Variants in ZNF714 observed in about 807,000 individuals in gnomAD.
ZNF714 encodes the protein zinc finger protein 714.
ZNF714 carries 32 observed loss-of-function variants against 46.2 expected under a neutral mutation model. The ratio of observed to expected loss-of-function variants is 0.69; its 90% CI spans 0.52 to 0.93. The LOEUF (loss-of-function observed/expected upper bound fraction) is 0.93, where lower values mean the gene tolerates loss of function less well. Ranked by LOEUF, ZNF714 falls within the 40% of genes least tolerant of loss-of-function variation. The probability of loss-of-function intolerance (pLI) is 0.00; values close to 1 mark genes in which losing one functional copy is unlikely to be tolerated. For synonymous variants in ZNF714, 199 were observed against 213.1 expected, an observed-to-expected ratio of 0.93 and a Z score of 0.58; for missense variants, 635 against 646.3, an observed-to-expected ratio of 0.98 and a Z score of 0.19.
chr19:21,112,815 G>GTTTTTTTTTTTT (rs1314785181), intron 4 of ZNF714, among the ~76,000 whole-genome samples: 5 of 41,738 alleles, frequency 1.2e-4, no homozygotes, highest in Admixed American at 3.2e-4. Flanking sequence ...TTTTATTTCT[G>GTTTTTTTTTTTT]ATTTTTTTTT....
intron 4 of ZNF714, among the ~76,000 whole-genome samples, chr19:21,103,905 G>A (rs1969249346): frequency 6.6e-6 from 1 of 152,046 alleles, no homozygotes; most frequent in Non-Finnish European, 1.5e-5. Context: ...AAAAGAAGCT[G>A]TACATTTCAG....
intron 2 of ZNF714, among the ~76,000 whole-genome samples, chr19:21,093,426 T>C (rs939040031): frequency 1.3e-5 from 2 of 151,192 alleles, no homozygotes; most frequent in African/African-American, 4.9e-5. Flanking sequence ...GAGATGGGGT[T>C]TCACCATGTT....
In ZNF714 at chr19:21,123,513, C is replaced by G. The variant is rs938694173; in HGVS notation, c.*5181C>G. On this transcript the variant is annotated 3_prime_UTR_variant, in exon 5 of 5. Coordinates refer to ENST00000456283, the MANE Select transcript of ZNF714 (RefSeq NM_182515.4). ...GGGACTACAGGCGCCCGCTACCGCACCCGTCTAATTTTTTTGTATTTTTAG... is the reference window on the plus strand; with the variant it reads ...GGGACTACAGGCGCCCGCTACCGCAGCCGTCTAATTTTTTTGTATTTTTAG... Among the ~76,000 whole-genome samples, 1 of 152,100 alleles carries G rather than the reference C, an allele frequency of 6.6e-6. No individual in the cohort carries two copies. The highest frequency in any genetic ancestry group is 6.5e-5 in the Admixed American group (1 of 15,284).
chr19:21,108,497 G>C (rs1969373794), intron 4 of ZNF714, among the ~76,000 whole-genome samples: 1 of 152,170 alleles, frequency 6.6e-6, no homozygotes, highest in Non-Finnish European at 1.5e-5. Flanking sequence ...TCCTGGTCAT[G>C]AGAAAGTTTT....
Position 21,095,908 on chromosome 19 carries a change from AT to A in ZNF714, c.-84-2276del, listed in dbSNP as rs1969026676. 5.9e-5 allele frequency among the ~76,000 whole-genome samples: 9 copies of A among 152,278 alleles called. No individual in the cohort carries two copies. The South Asian group carries it at 1.9e-3, about 32-fold the overall frequency. On this transcript the variant is annotated intron_variant, in intron 2 of 4. Transcript: ENST00000456283. ...TGTTGCAGTTGCTTTTGGTATCTTC[AT>A]CATGATACATGTAGATACGTGTGGT...
chr19:21,082,529 G>A (rs1198349394), intron 1 of ZNF714, among the ~76,000 whole-genome samples, 181 bp downstream of exon 1: 3 of 145,836 alleles, frequency 2.1e-5, no homozygotes, highest in Admixed American at 2.0e-4. Context: ...CGCTGACTGC[G>A]GGATCCCGGG....
chr19:21,104,895 C>T lies in ZNF714; in HGVS notation c.142+5985C>T, dbSNP rs183936390. On this transcript the variant is annotated intron_variant, in intron 4 of 4. Coordinates refer to ENST00000456283, the MANE Select transcript of ZNF714 (RefSeq NM_182515.4). ...CCTCCCAAAGTGCTGGGATTACAGT[C>T]GTGAGGTGAGCGCCCGGCCTCATTT... Among the ~76,000 whole-genome samples, 340 of 152,060 alleles carry T rather than the reference C, an allele frequency of 2.2e-3. 2 individuals are homozygous for T. The highest frequency in any genetic ancestry group is 3.4e-3 in the Middle Eastern group (1 of 294).
chr19:21,098,116 T>C (rs1428604787), intron 2 of ZNF714, 69 bp from the exon 3 acceptor site: 1 of 1,534,466 alleles, frequency 6.5e-7, no homozygotes, highest in East Asian at 2.3e-5. Flanking sequence ...TTCACCTTAA[T>C]TCAAATAATA....
At chr19:21,096,025 G>C (rs1969030613) in intron 2 of ZNF714, among the ~76,000 whole-genome samples, 1 of 152,156 alleles carries the variant, frequency 6.6e-6, no homozygotes, top group Admixed American at 6.5e-5. Context: ...AGAGTTAAGT[G>C]CCACATTTGC....
intron 4 of ZNF714, among the ~76,000 whole-genome samples, chr19:21,114,847 G>A (rs1251459567): frequency 1.3e-5 from 2 of 152,060 alleles, no homozygotes; most frequent in African/African-American, 2.4e-5. Context: ...AGGCCTGGTG[G>A]TCATGTATTC....
rs1402923232 is a variant in ZNF714, at chr19:21,124,342, ATT to A, written c.*6013_*6014del. ...GTGTACTTTTTCTGTAGAACATAAT[ATT>A]TTGAACATGCTGTTAAATATCAGAG... is the stretch of plus-strand genomic sequence containing the variant. On this transcript the variant is annotated 3_prime_UTR_variant, in exon 5 of 5. Coordinates refer to ENST00000456283, the MANE Select transcript of ZNF714 (RefSeq NM_182515.4). Among the ~76,000 whole-genome samples, 1 of 152,192 alleles carries A rather than the reference ATT, an allele frequency of 6.6e-6. No individual in the cohort carries two copies. The highest frequency in any genetic ancestry group is 1.5e-5 in the Non-Finnish European group (1 of 68,022).
intron 2 of ZNF714, among the ~76,000 whole-genome samples, chr19:21,096,742 C>T (rs1969050417): frequency 6.6e-6 from 1 of 152,114 alleles, no homozygotes; most frequent in Admixed American, 6.6e-5. Context: ...TGGGGGAAAG[C>T]TGGGGTCCTT....
intron 3 of ZNF714, 53 bp from the exon 4 acceptor site, chr19:21,098,759 G>C (rs1969099912): frequency 7.9e-7 from 1 of 1,270,842 alleles, no homozygotes. Context: ...CACAGTACTA[G>C]GTTGGTAACT....
intron 1 of ZNF714, 138 bp downstream of exon 1, chr19:21,082,486 C>T: frequency 1.2e-6 from 1 of 843,188 alleles, no homozygotes; most frequent in South Asian, 1.5e-5. Flanking sequence ...CTCAGCTCGG[C>T]CTCAGTCCCC....
At chr19:21,084,454 C>G (rs1477120142) in intron 2 of ZNF714, among the ~76,000 whole-genome samples, 1 of 152,014 alleles carries the variant, frequency 6.6e-6, no homozygotes, top group African/African-American at 2.4e-5. Flanking sequence ...GCCTCTGGAG[C>G]AGCCACCGAG....
intron 2 of ZNF714, among the ~76,000 whole-genome samples, chr19:21,090,280 C>T (rs866115561): frequency 1.3e-5 from 2 of 152,214 alleles, no homozygotes; most frequent in African/African-American, 4.8e-5. Context: ...CAGAGAAAGA[C>T]CTACCCATTG....
chr19:21,086,543 A>C (rs1968783679), intron 2 of ZNF714, among the ~76,000 whole-genome samples: 1 of 152,086 alleles, frequency 6.6e-6, no homozygotes, highest in Non-Finnish European at 1.5e-5. Flanking sequence ...CACTGGTAAG[A>C]GTGTAGCAGT....
In ZNF714 at chr19:21,085,881, TA is replaced by T. The variant is rs34378470; in HGVS notation, c.-85+1826del. ...AATATCAAACAAAGTTAGGTTTATG[TA>T]AAAAAAAAAAAAAGAATTCCAAAGG... On this transcript the variant is annotated intron_variant, in intron 2 of 4. Transcript: ENST00000456283. Among the ~76,000 whole-genome samples, 252 of 145,294 alleles carry T rather than the reference TA, an allele frequency of 1.7e-3. 1 individual carries two copies. Among genetic ancestry groups the T allele is most frequent in the African/African-American group, 3.8e-3 (147 of 39,138 alleles).
chr19:21,117,354 A>G lies in ZNF714; in HGVS notation c.690A>G (p.Arg230=), dbSNP rs750226318. ...KMIHTGEKPY[R]CEECGKAFYH... Reference sequence around the variant, plus strand: ...TTCATACTGGAGAGAAACCCTACAGATGTGAAGAATGTGGCAAAGCCTTCT... The same window carrying G: ...TTCATACTGGAGAGAAACCCTACAGGTGTGAAGAATGTGGCAAAGCCTTCT... Residue 230 remains arginine, a synonymous_variant, in exon 5 of 5, where the codon AGA becomes AGG. Transcript: ENST00000456283. 1.2e-6 allele frequency: 2 copies of G among 1,613,192 alleles called. No homozygotes were observed. The highest frequency in any genetic ancestry group is 1.1e-5 in the South Asian group (1 of 91,066).
Sources: allele counts gnomAD v4.1 joint callset (sites outside exome capture counted in the v4.1 genomes callset), GRCh38; gene constraint gnomAD v4.1.1; transcripts MANE v1.5; gene names NCBI Gene and HGNC (gene_info 2026-07-23, HGNC 2026-07-21).